MOB3B: variants seen among roughly 807,000 people sequenced by gnomAD.
MOB3B encodes the protein MOB kinase activator 3B.
In MOB3B, 7 loss-of-function variants were observed where a neutral mutation model predicts 18.7. The ratio of observed to expected loss-of-function variants is 0.37; its 90% CI spans 0.21 to 0.70. The LOEUF is 0.70. MOB3B is among the 30% of genes least tolerant of loss of function. The pLI is 0.52. For synonymous variants in MOB3B, 111 were observed against 99.9 expected (o/e 1.11, Z -0.66); for missense variants, 253 against 281.3 (o/e 0.90, Z 0.72).
chr9:27,332,377 A>G (rs1820802734), intron 3 of MOB3B, among the ~76,000 whole-genome samples: 1 of 152,262 alleles, frequency 6.6e-6, no homozygotes, highest in Non-Finnish European at 1.5e-5. Flanking sequence ...GAGAGACAGA[A>G]AGAGAAGTAG....
chr9:27,470,114 G>GAAGAAAAAA (rs1819449278), intron 1 of MOB3B, among the ~76,000 whole-genome samples: 1 of 125,968 alleles, frequency 7.9e-6, no homozygotes, highest in Non-Finnish European at 1.6e-5. Context: ...TCTCTTAAAA[G>GAAGAAAAAA]AAAAAAAAAA....
In MOB3B at chr9:27,381,868, A is replaced by G. The variant is rs377211459; in HGVS notation, c.419-22632T>C. 1.2e-4 allele frequency among the ~76,000 whole-genome samples: 19 copies of G among 152,284 alleles called. No individual in the cohort carries two copies. In the East Asian group the frequency reaches 1.7e-3, roughly 14 times the overall value. On this transcript the variant is annotated intron_variant, in intron 2 of 3. Transcript: ENST00000262244. ...GCTATGTTGCCTAGGCTGGTATCAA[A>G]CTACGGGGTTCAAGCAATCCTCCAG...
chr9:27,381,731 C>T (rs912917021), intron 2 of MOB3B, among the ~76,000 whole-genome samples: 4 of 152,214 alleles, frequency 2.6e-5, no homozygotes, highest in Non-Finnish European at 5.9e-5. Context: ...ATTGTATCCT[C>T]AACCTCCTGG....
intron 2 of MOB3B, among the ~76,000 whole-genome samples, chr9:27,372,472 G>A (rs1821437123): frequency 6.6e-6 from 1 of 152,190 alleles, no homozygotes; most frequent in Non-Finnish European, 1.5e-5. Context: ...TGCTTGGTGA[G>A]TTGCTTCCAA....
At chr9:27,460,535 A>G (rs1361858529) in intron 1 of MOB3B, among the ~76,000 whole-genome samples, 1 of 152,118 alleles carries the variant, frequency 6.6e-6, no homozygotes, top group African/African-American at 2.4e-5. Context: ...GAAATAAAAC[A>G]ACTCTCCCAG....
intron 3 of MOB3B, among the ~76,000 whole-genome samples, chr9:27,356,084 A>T (rs532101512): frequency 1.4e-4 from 22 of 152,314 alleles, no homozygotes; most frequent in African/African-American, 5.3e-4. Flanking sequence ...ATATTATATG[A>T]TTCGCCTCAG....
chr9:27,425,192 A>G (rs1394539276), intron 2 of MOB3B, among the ~76,000 whole-genome samples: 1 of 152,058 alleles, frequency 6.6e-6, no homozygotes, highest in South Asian at 2.1e-4. Flanking sequence ...CCTGACCAAC[A>G]TGGAGAAACC....
chr9:27,396,857 G>A (rs1241220427), intron 2 of MOB3B: 2 of 152,270 alleles, frequency 1.3e-5, no homozygotes, highest in East Asian at 1.9e-4. Flanking sequence ...AAATGGTAAC[G>A]CATTTAACCA....
intron 1 of MOB3B, among the ~76,000 whole-genome samples, chr9:27,479,338 C>G (rs1819610478): frequency 6.6e-6 from 1 of 152,180 alleles, no homozygotes; most frequent in South Asian, 2.1e-4. Context: ...TGGCATTAAT[C>G]CATTCATGAG....
At chr9:27,387,577 G>A (rs77079624) in intron 2 of MOB3B, among the ~76,000 whole-genome samples, 2,102 of 152,286 alleles carry the variant, frequency 0.014, 27 homozygotes, top group Non-Finnish European at 0.023. Context: ...GTTAGCTGCT[G>A]CAACTACTAT....
At chr9:27,447,375 A>G (rs1195388725) in intron 2 of MOB3B, among the ~76,000 whole-genome samples, 1 of 152,164 alleles carries the variant, frequency 6.6e-6, no homozygotes, top group Non-Finnish European at 1.5e-5. Context: ...ACAAATGACA[A>G]ATGACGAATG....
At chr9:27,438,421 G>C (rs1822545500) in intron 2 of MOB3B, among the ~76,000 whole-genome samples, 1 of 152,210 alleles carries the variant, frequency 6.6e-6, no homozygotes, top group Non-Finnish European at 1.5e-5. Context: ...AGCTGAAGGA[G>C]GCTCAGGACC....
At chr9:27,484,561 G>C (rs1346112486) in intron 1 of MOB3B, among the ~76,000 whole-genome samples, 1 of 152,034 alleles carries the variant, frequency 6.6e-6, no homozygotes, top group Non-Finnish European at 1.5e-5. Flanking sequence ...AAAATATTTT[G>C]TTAGCCTTCA....
In MOB3B at chr9:27,455,593, G is replaced by A. The variant is rs774597896; in HGVS notation, c.-43C>T. Reference sequence around the variant, plus strand: ...CCTTTCTTTTGCAGGAAGCGAAAAGGCACCTGGAACTTTTCAGGGAGAGAT... The same window carrying A: ...CCTTTCTTTTGCAGGAAGCGAAAAGACACCTGGAACTTTTCAGGGAGAGAT... On this transcript the variant is annotated 5_prime_UTR_variant, in exon 2 of 4. Transcript: ENST00000262244. 8 of 1,611,704 alleles carry A rather than the reference G, an allele frequency of 5.0e-6. No individual in the cohort carries two copies. Among genetic ancestry groups the A allele is most frequent in the Non-Finnish European group, 6.8e-6 (8 of 1,179,598 alleles).
At chr9:27,461,803 T>C (rs1472002607) in intron 1 of MOB3B, among the ~76,000 whole-genome samples, 1 of 152,224 alleles carries the variant, frequency 6.6e-6, no homozygotes, top group Non-Finnish European at 1.5e-5. Context: ...ACAGCTACAA[T>C]AGATGAATGC....
At position 27,328,796 on chromosome 9, in the gene MOB3B, C is replaced by T. The variant is rs1820746105; in HGVS notation, c.*1791G>A. The T allele has an allele frequency of 6.6e-6, 1 of 152,522 alleles. No homozygotes were observed. The highest frequency in any genetic ancestry group is 2.1e-4 in the South Asian group (1 of 4,820). 9.4% of individuals were successfully genotyped at this position (152,522 alleles called of 1,614,324 possible). A position where few individuals can be genotyped will look rare whatever the true frequency, so the allele number is the denominator to read the frequency against. The stretch of plus-strand genomic sequence containing the variant: ...GGGCTCTTGTTTCTGTTCTCTGGAT[C>T]TCTGTGATGGTCAGATATTCTTTTG... On this transcript the variant is annotated 3_prime_UTR_variant, in exon 4 of 4. Coordinates refer to ENST00000262244, the MANE Select transcript of MOB3B (RefSeq NM_024761.5).
intron 1 of MOB3B, among the ~76,000 whole-genome samples, chr9:27,489,049 C>T (rs78313606): frequency 0.047 from 7,207 of 152,256 alleles, 263 homozygotes; most frequent in African/African-American, 0.093. Flanking sequence ...ATGGCTCCCA[C>T]GGTAGTTTTA....
intron 2 of MOB3B, among the ~76,000 whole-genome samples, chr9:27,446,799 A>G (rs569231108): frequency 1.3e-5 from 2 of 152,330 alleles, no homozygotes; most frequent in African/African-American, 4.8e-5. Context: ...AGACAGGCTC[A>G]GAGAGACTAA....
intron 2 of MOB3B, among the ~76,000 whole-genome samples, chr9:27,360,535 C>T (rs183937089): frequency 3.9e-5 from 6 of 152,260 alleles, no homozygotes; most frequent in Admixed American, 3.3e-4. Context: ...CCAACAACAA[C>T]AAAAGAATTA....
Sources: gnomAD v4.1 joint callset for allele counts (sites outside exome capture counted in the v4.1 genomes callset) on GRCh38, gnomAD v4.1.1 for gene constraint, MANE v1.5 for transcripts, NCBI Gene and HGNC (gene_info 2026-07-23, HGNC 2026-07-21) for gene names.